The following NUP205 variants were observed in gnomAD, a reference collection of about 807,000 sequenced individuals.
NUP205 encodes nucleoporin 205.
In NUP205, 76 loss-of-function variants were observed where a neutral mutation model predicts 253.8. The observed-to-expected ratio is 0.30, with a 90% confidence interval of 0.25 to 0.36. The LOEUF (loss-of-function observed/expected upper bound fraction) is 0.36, where lower values mean the gene tolerates loss of function less well. Among genes scored for constraint, NUP205 ranks in the 10% least tolerant of loss-of-function variants. NUP205 has a pLI of 1.00. For synonymous variants in NUP205, 832 were observed against 850.1 expected (o/e 0.98, Z 0.37); for missense variants, 2,162 against 2,425.5 (o/e 0.89, Z 2.28).
chr7:135,645,487 A>C lies in NUP205; in HGVS notation c.5703A>C (p.Leu1901=), dbSNP rs200298339. The change falls in exon 41 of 43, where the codon CTA becomes CTC. Residue 1901 remains leucine (L), a synonymous_variant. Coordinates refer to ENST00000285968, the MANE Select transcript of NUP205 (RefSeq NM_015135.3). ...SLCSFIIETC[L]FILWRHLEYY... ...GTATAGTTATCATAGAGACCTGCCT[A>C]TTTATTCTTTGGCGCCATCTGGAGT... The C allele has an allele frequency of 2.5e-6, 4 of 1,613,988 alleles. No individual in the cohort carries two copies. Among genetic ancestry groups the C allele is most frequent in the Non-Finnish European group, 3.4e-6 (4 of 1,179,924 alleles).
At chr7:135,585,320 T>C (rs973291661) in intron 8 of NUP205, among the ~76,000 whole-genome samples, 2 of 152,162 alleles carry the variant, frequency 1.3e-5, no homozygotes, top group South Asian at 2.1e-4. Flanking sequence ...TATTTTGCTG[T>C]TGTTCTATGG....
At chr7:135,597,728 C>A in intron 14 of NUP205, 1 of 452,716 alleles carries the variant, frequency 2.2e-6, no homozygotes, top group South Asian at 4.3e-5. Flanking sequence ...TCTTTTCTCT[C>A]TAATTCTCCC....
chr7:135,616,580 TTTG>T (rs761191198), intron 24 of NUP205, 72 bp from the exon 25 acceptor site: 264 of 850,214 alleles, frequency 3.1e-4, no homozygotes, highest in Non-Finnish European at 4.2e-4. Context: ...ATACCTTGTG[TTTG>T]TTATTTCCAA....
chr7:135,628,013 C>T lies in NUP205; in HGVS notation c.4834C>T (p.Pro1612Ser), dbSNP rs190755726. The change falls in exon 34 of 43, where the codon CCA becomes TCA. Residue 1612 changes from proline (P) to serine (S), a missense_variant. By Grantham distance (74) the Pro-to-Ser change is moderately conservative (BLOSUM62 -1). Transcript: ENST00000285968. ...AGACCCTCCAATGTTCATCCCTACC[C>T]CAGTGGATCGCTACCGCCAGATTCT... is the stretch of plus-strand genomic sequence containing the variant. ...MRDPPMFIPT[P>S]VDRYRQILLP... 3.7e-6 allele frequency: 6 copies of T among 1,611,736 alleles called. No individual in the cohort carries two copies. The African/African-American group carries it at 6.7e-5, about 18-fold the overall frequency.
At chr7:135,606,513 A>G (rs538654360) in intron 20 of NUP205, among the ~76,000 whole-genome samples, 22 of 152,362 alleles carry the variant, frequency 1.4e-4, no homozygotes, top group African/African-American at 5.0e-4. Context: ...TAAAATTCAA[A>G]AAAATCTGAA....
intron 19 of NUP205, among the ~76,000 whole-genome samples, chr7:135,605,395 A>G (rs1794065035): frequency 6.6e-6 from 1 of 152,186 alleles, no homozygotes; most frequent in African/African-American, 2.4e-5. Context: ...GTTGGATGGC[A>G]CAGATCTTAT....
At chr7:135,596,145 G>A (rs753157278) in intron 13 of NUP205, among the ~76,000 whole-genome samples, 3 of 152,054 alleles carry the variant, frequency 2.0e-5, no homozygotes. Flanking sequence ...TGTTGGTCAG[G>A]CTGGTCTTGA....
intron 22 of NUP205, 32 bp from the exon 23 acceptor site, chr7:135,614,127 A>G (rs748320501): frequency 8.4e-7 from 1 of 1,195,054 alleles, no homozygotes; most frequent in East Asian, 2.3e-5. Flanking sequence ...AGAAAGACTG[A>G]TTCAGGGATT....
At chr7:135,620,489 G>A (rs1794451996) in intron 30 of NUP205, among the ~76,000 whole-genome samples, 1 of 152,198 alleles carries the variant, frequency 6.6e-6, no homozygotes, top group South Asian at 2.1e-4. Context: ...TTGCGCCACT[G>A]CCCTCCAGCC....
At chr7:135,603,457 C>T (rs939660476) in intron 18 of NUP205, among the ~76,000 whole-genome samples, 2 of 151,288 alleles carry the variant, frequency 1.3e-5, no homozygotes, top group African/African-American at 4.9e-5. Flanking sequence ...TTTAATTACT[C>T]TGAACTTTAC....
intron 31 of NUP205, among the ~76,000 whole-genome samples, chr7:135,623,837 T>C (rs1304661334): frequency 9.2e-5 from 14 of 152,136 alleles, no homozygotes; most frequent in South Asian, 2.1e-4. Flanking sequence ...GGCTAGAGTG[T>C]AGTGGCGCAA....
At position 135,616,721 on chromosome 7, in the gene NUP205, C is replaced by T. The variant is rs770342945; in HGVS notation, c.3527C>T (p.Thr1176Ile). 6.5e-7 allele frequency: 1 copy of T among 1,532,996 alleles called. No homozygotes were observed. Among genetic ancestry groups the T allele is most frequent in the South Asian group, 1.3e-5 (1 of 79,386 alleles). 95.0% of individuals were successfully genotyped at this position (1,532,996 alleles called of 1,614,324 possible). ...VSGFLHFDTATKVRRKILNIL... is the reference protein window; with the variant it reads ...VSGFLHFDTAIKVRRKILNIL... ...GGGTTCCTTCACTTTGACACTGCTA[C>T]AAAAGGTAATGCCCTTTGAATTTGT... The change falls in exon 25 of 43, where the codon ACA becomes ATA. Residue 1176 changes from threonine (T) to isoleucine (I), a missense_variant. By Grantham distance (89) the Thr-to-Ile change is moderately conservative. This residue lies in a region of NUP205 where 1,144 missense variants were observed against 1,280.9 expected (regional missense o/e 0.89). Transcript: ENST00000285968.
chr7:135,591,637 A>G (rs767174498), intron 11 of NUP205, 37 bp downstream of exon 11: 2 of 1,589,312 alleles, frequency 1.3e-6, no homozygotes, highest in Non-Finnish European at 8.6e-7. Flanking sequence ...GTTTGTTGTT[A>G]TACTCTTTTA....
intron 25 of NUP205, 43 bp from the exon 26 acceptor site, chr7:135,617,047 T>G (rs1374794989): frequency 5.5e-6 from 8 of 1,466,842 alleles, no homozygotes; most frequent in Non-Finnish European, 7.4e-6. Flanking sequence ...GCCTTTCTTT[T>G]CAATGTCCCA....
chr7:135,582,240 G>A (rs1474412814), intron 7 of NUP205, among the ~76,000 whole-genome samples: 2 of 152,008 alleles, frequency 1.3e-5, no homozygotes, highest in East Asian at 1.9e-4. Context: ...AGTCAAGATC[G>A]CACCACTGCA....
At chr7:135,644,059 C>T (rs1169366489) in intron 39 of NUP205, among the ~76,000 whole-genome samples, 1 of 152,204 alleles carries the variant, frequency 6.6e-6, no homozygotes, top group Non-Finnish European at 1.5e-5. Flanking sequence ...TTCTGGTAAA[C>T]TCAGGGGACA....
chr7:135,597,294 A>G, intron 13 of NUP205, 74 bp from the exon 14 acceptor site: 2 of 1,068,738 alleles, frequency 1.9e-6, no homozygotes, highest in Non-Finnish European at 2.9e-6. Flanking sequence ...GTATGTGACT[A>G]TTATATTGCA....
At chr7:135,614,738 A>G (rs1794317415) in intron 23 of NUP205, among the ~76,000 whole-genome samples, 1 of 152,234 alleles carries the variant, frequency 6.6e-6, no homozygotes, top group Non-Finnish European at 1.5e-5. Context: ...GTTTATTGAC[A>G]TGGCTAACAA....
chr7:135,630,000 TAAAGA>T (rs1794677452), intron 34 of NUP205, among the ~76,000 whole-genome samples: 1 of 152,150 alleles, frequency 6.6e-6, no homozygotes, highest in Admixed American at 6.5e-5. Flanking sequence ...GGCCAAACAA[TAAAGA>T]AAATAGGGGT....
Sources: gnomAD v4.1 joint callset for allele counts (sites outside exome capture counted in the v4.1 genomes callset) on GRCh38, gnomAD v4.1.1 for gene constraint, gnomAD v4.1.1 regional missense constraint, MANE v1.5 for transcripts, NCBI Gene and HGNC (gene_info 2026-07-23, HGNC 2026-07-21) for gene names.